Variants in ATP8A2 observed in about 807,000 individuals in gnomAD.
The protein encoded by ATP8A2 is ATPase phospholipid transporting 8A2, also known as phospholipid-transporting ATPase IB.
Under a neutral mutation model 165.6 loss-of-function variants are expected in ATP8A2, and 100 were observed. That is an observed-to-expected ratio of 0.60 (90% confidence interval 0.51 to 0.71). The LOEUF (loss-of-function observed/expected upper bound fraction) is 0.71, where lower values mean the gene tolerates loss of function less well. Among genes scored for constraint, ATP8A2 ranks in the 30% least tolerant of loss-of-function variants. ATP8A2 has a pLI of 0.00. For synonymous variants in ATP8A2, 543 were observed against 548.8 expected (o/e 0.99, Z 0.15); for missense variants, 1,227 against 1,479.5 (o/e 0.83, Z 2.80).
intron 2 of ATP8A2, among the ~76,000 whole-genome samples, chr13:25,473,871 T>G (rs2035916466): frequency 6.6e-6 from 1 of 152,188 alleles, no homozygotes; most frequent in Admixed American, 6.5e-5. Flanking sequence ...ATGTTTAAAG[T>G]TAAAATGTTT....
chr13:25,551,771 A>G (rs1028141098), intron 11 of ATP8A2, among the ~76,000 whole-genome samples: 5 of 152,106 alleles, frequency 3.3e-5, no homozygotes, highest in African/African-American at 7.2e-5. Context: ...ATTACAATGT[A>G]TTTCCCAATT....
intron 1 of ATP8A2, among the ~76,000 whole-genome samples, chr13:25,411,749 G>A (rs1031507688): frequency 2.0e-5 from 3 of 152,102 alleles, no homozygotes; most frequent in East Asian, 1.9e-4. Context: ...AAAATTGGCC[G>A]ATACTGGAAG....
chr13:26,010,454 G>T (rs1956822969), intron 35 of ATP8A2, among the ~76,000 whole-genome samples: 1 of 152,248 alleles, frequency 6.6e-6, no homozygotes, highest in Non-Finnish European at 1.5e-5. Flanking sequence ...CCCATGTGGG[G>T]CCTGGCTGGT....
rs114907054 is a variant in ATP8A2 at position 25,799,758 on chromosome 13, A to G, written c.2679+24799A>G. The stretch of plus-strand genomic sequence containing the variant: ...CTGGAAGCTGCCCTCAAAGCATTTC[A>G]AGTGCTCTTGCTGATGGCAGATGAA... On this transcript the variant is annotated intron_variant, in intron 27 of 36. Coordinates refer to ENST00000381655, the MANE Select transcript of ATP8A2 (RefSeq NM_016529.6). 2.8e-3 allele frequency among the ~76,000 whole-genome samples: 434 copies of G among 152,282 alleles called. 4 individuals carry two copies. The highest frequency in any genetic ancestry group is 1.0e-2 in the African/African-American group (415 of 41,554).
intron 25 of ATP8A2, among the ~76,000 whole-genome samples, chr13:25,711,024 A>G (rs917729291): frequency 6.6e-6 from 1 of 152,030 alleles, no homozygotes; most frequent in Non-Finnish European, 1.5e-5. Flanking sequence ...TTGTTTTCTG[A>G]GTCAGAGTCT....
intron 1 of ATP8A2, among the ~76,000 whole-genome samples, chr13:25,428,058 C>T (rs777753280): frequency 2.6e-5 from 4 of 151,998 alleles, no homozygotes; most frequent in Non-Finnish European, 5.9e-5. Context: ...GTGATGTGCG[C>T]CTGTAGTCCC....
At chr13:25,417,162 A>T (rs73469784) in intron 1 of ATP8A2, among the ~76,000 whole-genome samples, 6,479 of 151,848 alleles carry the variant, frequency 0.043, 455 homozygotes, top group African/African-American at 0.15. Context: ...TTTTGTCCCC[A>T]GTTTCCCATT....
intron 24 of ATP8A2, among the ~76,000 whole-genome samples, chr13:25,631,408 C>T (rs2041237735): frequency 6.6e-6 from 1 of 152,088 alleles, no homozygotes; most frequent in African/African-American, 2.4e-5. Context: ...ACAGTTCTTC[C>T]TGATGATTTA....
At chr13:25,622,748 C>T (rs557439139) in intron 24 of ATP8A2, among the ~76,000 whole-genome samples, 1 of 152,268 alleles carries the variant, frequency 6.6e-6, no homozygotes, top group African/African-American at 2.4e-5. Context: ...TTAGCTGATA[C>T]TTGGGTCCCA....
At chr13:25,754,226 C>A (rs1374481686) in intron 25 of ATP8A2, among the ~76,000 whole-genome samples, 1 of 150,242 alleles carries the variant, frequency 6.7e-6, no homozygotes, top group Admixed American at 6.7e-5. Flanking sequence ...TCATTACATG[C>A]TGATAAAGAA....
At chr13:25,792,998 A>G (rs993822978) in intron 27 of ATP8A2, among the ~76,000 whole-genome samples, 19 of 143,998 alleles carry the variant, frequency 1.3e-4, no homozygotes, top group South Asian at 7.4e-4. Context: ...GGGATAGGGG[A>G]GAGAGGGGAG....
chr13:25,489,559 A>T (rs1481103948), intron 2 of ATP8A2, among the ~76,000 whole-genome samples: 1 of 152,172 alleles, frequency 6.6e-6, no homozygotes, highest in Non-Finnish European at 1.5e-5. Context: ...TTGATGACAA[A>T]GTCTGTCTGT....
At chr13:25,618,784 CTT>C (rs1224887180) in intron 24 of ATP8A2, among the ~76,000 whole-genome samples, 1 of 150,074 alleles carries the variant, frequency 6.7e-6, no homozygotes, top group Admixed American at 6.7e-5. Flanking sequence ...TGCCTTAAGA[CTT>C]TGCAGGGTCA....
chr13:25,677,558 G>A (rs959495208), intron 24 of ATP8A2, among the ~76,000 whole-genome samples: 24 of 151,738 alleles, frequency 1.6e-4, no homozygotes, highest in African/African-American at 5.8e-4. Flanking sequence ...CATGGCACTT[G>A]GACAGACAGG....
At chr13:25,447,375 A>G (rs551809184) in intron 1 of ATP8A2, among the ~76,000 whole-genome samples, 1 of 152,306 alleles carries the variant, frequency 6.6e-6, no homozygotes, top group African/African-American at 2.4e-5. Context: ...CTATCACCTC[A>G]AACATTTATC....
intron 35 of ATP8A2, among the ~76,000 whole-genome samples, chr13:26,007,094 G>T (rs1258107034): frequency 6.6e-6 from 1 of 151,006 alleles, no homozygotes; most frequent in Admixed American, 6.6e-5. Flanking sequence ...TAAATATTTT[G>T]TTGTGTTTTG....
chr13:25,838,316 C>T (rs753836918), intron 29 of ATP8A2, among the ~76,000 whole-genome samples: 43 of 152,212 alleles, frequency 2.8e-4, no homozygotes, highest in Non-Finnish European at 4.7e-4. Context: ...TAGTTACATC[C>T]GAGGCAGGGA....
chr13:25,586,488 C>T (rs2039926004), intron 23 of ATP8A2, among the ~76,000 whole-genome samples: 1 of 152,136 alleles, frequency 6.6e-6, no homozygotes, highest in Admixed American at 6.5e-5. Context: ...GCCTCAGCTC[C>T]CTGGTTCTCT....
intron 33 of ATP8A2, among the ~76,000 whole-genome samples, chr13:25,870,618 A>G (rs980645019): frequency 3.3e-5 from 5 of 152,206 alleles, no homozygotes; most frequent in South Asian, 2.1e-4. Flanking sequence ...TGAGGCTTAG[A>G]GAGAAAGGAT....
Sources: allele counts gnomAD v4.1 joint callset (sites outside exome capture counted in the v4.1 genomes callset), GRCh38; gene constraint gnomAD v4.1.1; transcripts MANE v1.5; gene names NCBI Gene and HGNC (gene_info 2026-07-23, HGNC 2026-07-21).